The following LYN variants were observed in gnomAD, a reference collection of about 807,000 sequenced individuals.
The protein encoded by LYN is LYN proto-oncogene, Src family tyrosine kinase.
A neutral mutation model predicts 65.0 loss-of-function variants in LYN; 12 were observed. The ratio of observed to expected loss-of-function variants is 0.18; its 90% CI spans 0.12 to 0.30. The LOEUF is 0.30. LYN is among the 10% of genes least tolerant of loss of function. The pLI, the probability that LYN is intolerant of heterozygous loss-of-function variation, is 1.00. For missense variants in LYN, 380 were observed against 623.2 expected (o/e 0.61, Z 4.16); for synonymous variants, 222 against 221.2 (o/e 1.00, Z -0.03).
intron 1 of LYN, among the ~76,000 whole-genome samples, chr8:55,887,597 C>CACACACACACACACACAG (rs1804837518): frequency 9.0e-6 from 1 of 110,802 alleles, no homozygotes; most frequent in Non-Finnish European, 1.9e-5. Context: ...CACACACACA[C>CACACACACACACACACAG]ACACACATAT....
chr8:55,880,572 T>C (rs1205672437), intron 1 of LYN, among the ~76,000 whole-genome samples: 1 of 152,174 alleles, frequency 6.6e-6, no homozygotes, highest in Admixed American at 6.5e-5. Context: ...CTCTGGACCC[T>C]GGGTCTCCTG....
At chr8:55,906,181 A>G (rs1308727946) in intron 1 of LYN, among the ~76,000 whole-genome samples, 1 of 152,198 alleles carries the variant, frequency 6.6e-6, no homozygotes, top group East Asian at 1.9e-4. Flanking sequence ...ATTTCTGATC[A>G]GGATTTAATC....
At chr8:55,921,044 T>G (rs1001242801) in intron 1 of LYN, among the ~76,000 whole-genome samples, 35 of 152,200 alleles carry the variant, frequency 2.3e-4, no homozygotes, top group Non-Finnish European at 4.1e-4. Flanking sequence ...CTTTGAATGA[T>G]CACAGATTAT....
In LYN at chr8:55,914,347, G is replaced by A. The variant is rs531922737; in HGVS notation, c.-5-27508G>A. Among the ~76,000 whole-genome samples, 3 of 152,208 alleles carry A rather than the reference G, an allele frequency of 2.0e-5. No homozygotes were observed. In the East Asian group the frequency reaches 5.8e-4, roughly 29 times the overall value. On this transcript the variant is annotated intron_variant, in intron 1 of 12. Coordinates refer to ENST00000519728, the MANE Select transcript of LYN (RefSeq NM_002350.4). ...CTCCCTGTAAGCACTTTATGTATTT[G>A]ACATGAAATATACTGAGATGGCCCC...
chr8:55,946,637 T>A (rs1806786723), intron 3 of LYN, 144 bp downstream of exon 3: 1 of 629,514 alleles, frequency 1.6e-6, no homozygotes, highest in Non-Finnish European at 2.8e-6. Flanking sequence ...TTTTTAAGTA[T>A]ACATTTCAGC....
intron 10 of LYN, among the ~76,000 whole-genome samples, chr8:55,991,552 T>C (rs948280656): frequency 6.6e-6 from 1 of 152,220 alleles, no homozygotes; most frequent in African/African-American, 2.4e-5. Flanking sequence ...TCTGTGCACC[T>C]AGACTTTTCA....
chr8:55,955,822 G>T, intron 8 of LYN, among the ~76,000 whole-genome samples: 1 of 152,122 alleles, frequency 6.6e-6, no homozygotes, highest in Non-Finnish European at 1.5e-5. Flanking sequence ...ATGTTTTCAA[G>T]GTTCATCCAT....
intron 1 of LYN, among the ~76,000 whole-genome samples, chr8:55,912,695 C>T (rs1347820843): frequency 6.7e-6 from 1 of 149,522 alleles, no homozygotes; most frequent in Non-Finnish European, 1.5e-5. Flanking sequence ...CCACTGCATT[C>T]CAGTCTGGGT....
rs1563329035 is a variant in LYN at position 55,998,402 on chromosome 8, A to G, written c.1107A>G (p.Arg369=). Residue 369 remains arginine (R), a synonymous_variant, in exon 11 of 13, where the codon CGA becomes CGG. Transcript: ENST00000519728. The part of the protein sequence containing the change: ...ERKNYIHRDL[R]AANVLVSESL... ...AGAACTACATTCACCGGGACCTGCG[A>G]GCAGCTAATGTTCTGGTCTCCGAGT... 1.4e-5 allele frequency: 23 copies of G among 1,614,114 alleles called. No homozygotes were observed. Among genetic ancestry groups the G allele is most frequent in the Non-Finnish European group, 1.9e-5 (23 of 1,179,948 alleles).
chr8:56,010,619 G>A lies in LYN; in HGVS notation c.*509G>A. 4.3e-6 allele frequency: 1 copy of A among 230,420 alleles called. No homozygotes were observed. The allele number at this position is 230,420 out of a possible 1,614,324, so 14.3% of individuals were successfully genotyped here. ...CAACCTGTTAGATTTTGCAGGTGAA[G>A]TCAGCAGCTTAAAAATGTCTTTCCC... On this transcript the variant is annotated 3_prime_UTR_variant, in exon 13 of 13. Coordinates refer to ENST00000519728, the MANE Select transcript of LYN (RefSeq NM_002350.4).
rs565412070 is a variant in LYN at position 55,991,895 on chromosome 8, C to T, written c.1051-6451C>T. ...AAAGAAACTAAAAAATGTGCATTGGCCATGCTATTTGAATCAAAGAGCACA... is the reference window on the plus strand; with the variant it reads ...AAAGAAACTAAAAAATGTGCATTGGTCATGCTATTTGAATCAAAGAGCACA... On this transcript the variant is annotated intron_variant, in intron 10 of 12. Transcript: ENST00000519728. Among the ~76,000 whole-genome samples the T allele has an allele frequency of 2.6e-4, 40 of 152,304 alleles. No homozygotes were observed. In the South Asian group the frequency reaches 8.3e-3, roughly 32 times the overall value.
At chr8:55,985,048 A>G (rs1405328953) in intron 10 of LYN, among the ~76,000 whole-genome samples, 2 of 152,162 alleles carry the variant, frequency 1.3e-5, no homozygotes, top group African/African-American at 2.4e-5. Flanking sequence ...GTGGGCTTCA[A>G]TAGTCGGGAA....
In LYN at chr8:56,012,837, TG is replaced by T. The variant is rs1808854312; in HGVS notation, c.*2729del. ...AAGCCCAGCCTTCTTTTTCCTCAGA[TG>T]GTTTCATTTCTCAAAGGGGAGTGGA... On this transcript the variant is annotated 3_prime_UTR_variant, in exon 13 of 13. Transcript: ENST00000519728. 1 of 152,234 alleles carries T rather than the reference TG, an allele frequency of 6.6e-6. No homozygotes were observed. The highest frequency in any genetic ancestry group is 2.4e-5 in the African/African-American group (1 of 41,436). 9.4% of individuals were successfully genotyped at this position (152,234 alleles called of 1,614,324 possible).
chr8:55,944,122 C>T (rs775144778), intron 2 of LYN, among the ~76,000 whole-genome samples: 1 of 151,992 alleles, frequency 6.6e-6, no homozygotes, highest in African/African-American at 2.4e-5. Flanking sequence ...GTGGATATAT[C>T]ATGCTATTAA....
rs531180242 is a variant in LYN at position 55,902,308 on chromosome 8, G to A, written c.-6+22205G>A. Among the ~76,000 whole-genome samples the A allele has an allele frequency of 1.1e-3, 159 of 148,964 alleles. No individual in the cohort carries two copies. The South Asian group carries it at 0.013, about 12-fold the overall frequency. ...TAGGCGTGAGCCATTGCGCCTGGCC[G>A]TAACAGTGTACTTTCTTTCTTTCTT... On this transcript the variant is annotated intron_variant, in intron 1 of 12. Coordinates refer to ENST00000519728, the MANE Select transcript of LYN (RefSeq NM_002350.4).
chr8:55,943,937 G>T (rs2130478954), intron 2 of LYN, among the ~76,000 whole-genome samples: 1 of 152,230 alleles, frequency 6.6e-6, no homozygotes, highest in South Asian at 2.1e-4. Context: ...ACAAAAATTA[G>T]CTGGGCATGG....
chr8:55,897,020 A>G (rs1563498748), intron 1 of LYN, among the ~76,000 whole-genome samples: 2 of 152,178 alleles, frequency 1.3e-5, no homozygotes, highest in Non-Finnish European at 2.9e-5. Flanking sequence ...AATTACAGGC[A>G]TGAGCCACTG....
At chr8:56,002,710 A>C (rs948470199) in intron 12 of LYN, among the ~76,000 whole-genome samples, 1 of 152,134 alleles carries the variant, frequency 6.6e-6, no homozygotes, top group South Asian at 2.1e-4. Flanking sequence ...GTTTCTCTCT[A>C]TATGGAAGAA....
At chr8:55,968,954 TC>T (rs11326907) in intron 9 of LYN, among the ~76,000 whole-genome samples, 65,522 of 151,952 alleles carry the variant, frequency 0.43, 14,547 homozygotes, top group Middle Eastern at 0.54. Flanking sequence ...TAGGTAGGTT[TC>T]CACTTTTTTC....
Sources: allele counts gnomAD v4.1 joint callset (sites outside exome capture counted in the v4.1 genomes callset), GRCh38; gene constraint gnomAD v4.1.1; transcripts MANE v1.5; gene names NCBI Gene and HGNC (gene_info 2026-07-23, HGNC 2026-07-21).